ADGRV1: variants seen among roughly 807,000 people sequenced by gnomAD.
ADGRV1 encodes the protein G-protein coupled receptor 98.
In ADGRV1, 359 loss-of-function variants were observed where a neutral mutation model predicts 596.2. The ratio of observed to expected loss-of-function variants is 0.60; its 90% CI spans 0.55 to 0.66. ADGRV1 has a LOEUF of 0.66. ADGRV1 is among the 30% of genes least tolerant of loss of function. ADGRV1 has a pLI of 0.00. For missense variants in ADGRV1, 7,274 were observed against 7,575.6 expected (o/e 0.96, Z 1.48); for synonymous variants, 2,681 against 2,679.2 (o/e 1.00, Z -0.02).
At chr5:90,664,065 G>C (rs35328995) in intron 21 of ADGRV1, among the ~76,000 whole-genome samples, 58,237 of 118,212 alleles carry the variant, frequency 0.49, 15,391 homozygotes, top group East Asian at 0.77. Context: ...CAGCTTTGTT[G>C]TTTTGGCTTA....
intron 28 of ADGRV1, among the ~76,000 whole-genome samples, chr5:90,685,411 C>T (rs113197651): frequency 0.036 from 5,497 of 151,982 alleles, 208 homozygotes; most frequent in African/African-American, 0.097. Context: ...GGTGAAACCC[C>T]ATCTCTACTA....
At chr5:90,619,261 G>T in intron 4 of ADGRV1, 80 bp downstream of exon 4, 1 of 618,402 alleles carries the variant, frequency 1.6e-6, no homozygotes, top group South Asian at 2.8e-5. Flanking sequence ...CATGATGTTA[G>T]CTAGTATCAT....
At chr5:90,581,011 A>G (rs1369578385) in intron 1 of ADGRV1, among the ~76,000 whole-genome samples, 1 of 152,116 alleles carries the variant, frequency 6.6e-6, no homozygotes, top group Non-Finnish European at 1.5e-5. Context: ...TTGATCTTCA[A>G]TCACTGTTAT....
chr5:90,920,030 A>G (rs1453698722), intron 83 of ADGRV1, among the ~76,000 whole-genome samples: 1 of 151,600 alleles, frequency 6.6e-6, no homozygotes, highest in Non-Finnish European at 1.5e-5. Flanking sequence ...AATATTTTGG[A>G]AGAGTAATAT....
intron 21 of ADGRV1, among the ~76,000 whole-genome samples, chr5:90,671,382 C>T (rs1772441869): frequency 6.6e-6 from 1 of 152,152 alleles, no homozygotes; most frequent in African/African-American, 2.4e-5. Context: ...ACTGACCTAT[C>T]ACCTGGTTGT....
chr5:90,790,731 T>C (rs1759970055), intron 69 of ADGRV1, 142 bp from the exon 70 acceptor site: 1 of 593,186 alleles, frequency 1.7e-6, no homozygotes, highest in African/African-American at 1.9e-5. Context: ...AGCTAACATA[T>C]ACTTAGAGAG....
intron 85 of ADGRV1, among the ~76,000 whole-genome samples, chr5:91,070,210 A>G (rs1162931962): frequency 6.6e-6 from 1 of 152,178 alleles, no homozygotes; most frequent in African/African-American, 2.4e-5. Context: ...GCATCATGCA[A>G]TATACTCATG....
At chr5:90,596,382 C>G (rs940426114) in intron 1 of ADGRV1, among the ~76,000 whole-genome samples, 5 of 150,904 alleles carry the variant, frequency 3.3e-5, no homozygotes, top group African/African-American at 1.2e-4. Flanking sequence ...ACTTCCCAGA[C>G]GGGGTGGCGG....
chr5:90,748,887 C>G lies in ADGRV1; in HGVS notation c.10975-1664C>G, dbSNP rs141477891. On this transcript the variant is annotated intron_variant, in intron 52 of 89. Transcript: ENST00000405460. ...TATACTGCTGTGCTCACAGCTTTAT[C>G]CCTGCACCCAGAAAAGTGCCTGGCA... Among the ~76,000 whole-genome samples, 392 of 146,298 alleles carry G rather than the reference C, an allele frequency of 2.7e-3. 5 individuals are homozygous for G. Among genetic ancestry groups the G allele is most frequent in the African/African-American group, 9.3e-3 (362 of 38,836 alleles).
chr5:91,006,865 T>C (rs1488710029), intron 85 of ADGRV1, among the ~76,000 whole-genome samples: 2 of 152,214 alleles, frequency 1.3e-5, no homozygotes, highest in East Asian at 3.8e-4. Flanking sequence ...CATATCTTTG[T>C]ATAACCTCTG....
chr5:90,819,540 C>T (rs1763259736), intron 75 of ADGRV1, among the ~76,000 whole-genome samples: 3 of 150,138 alleles, frequency 2.0e-5, no homozygotes, highest in Admixed American at 6.6e-5. Context: ...CCTGCTTTCT[C>T]TTGTGGGCAT....
chr5:91,030,981 AT>A lies in ADGRV1; in HGVS notation c.18153-41462del, dbSNP rs1784438136. 4 of 1,353,068 alleles carry A rather than the reference AT, an allele frequency of 3.0e-6. No homozygotes were observed. The East Asian group carries it at 9.9e-5, about 34-fold the overall frequency. 83.8% of individuals were successfully genotyped at this position (1,353,068 alleles called of 1,614,324 possible). ...TAATCAAAGGAAAAAACGTCGACTGATTTTATATGTCAATCAGTTGTAGTCT... is the reference window on the plus strand; with the variant it reads ...TAATCAAAGGAAAAAACGTCGACTGATTTATATGTCAATCAGTTGTAGTCT... On this transcript the variant is annotated intron_variant, in intron 85 of 89. Transcript: ENST00000405460.
intron 20 of ADGRV1, 56 bp downstream of exon 20, chr5:90,654,008 A>T: frequency 6.6e-7 from 1 of 1,523,982 alleles, no homozygotes; most frequent in South Asian, 1.2e-5. Flanking sequence ...AAAATTTTTC[A>T]TTAAAATTTA....
chr5:90,999,024 T>C (rs529600476), intron 85 of ADGRV1, among the ~76,000 whole-genome samples: 1 of 152,222 alleles, frequency 6.6e-6, no homozygotes, highest in African/African-American at 2.4e-5. Context: ...GGATTACTTG[T>C]TCATCTCCCT....
intron 1 of ADGRV1, among the ~76,000 whole-genome samples, chr5:90,613,409 C>G (rs1289337592): frequency 6.6e-6 from 1 of 152,144 alleles, no homozygotes; most frequent in Non-Finnish European, 1.5e-5. Flanking sequence ...ACTGCTCCCC[C>G]TTTCCTGTCT....
chr5:90,881,599 T>G lies in ADGRV1; in HGVS notation c.17856+17742T>G, dbSNP rs759502613. 3.3e-5 allele frequency among the ~76,000 whole-genome samples: 5 copies of G among 152,258 alleles called. No individual in the cohort carries two copies. The East Asian group carries it at 5.8e-4, about 18-fold the overall frequency. On this transcript the variant is annotated intron_variant, in intron 83 of 89. Transcript: ENST00000405460. ...ACAGCAAAGGATAAAGATTGGGTGA[T>G]GTATATCAGGGATGGGCGGAATTTG...
At chr5:91,066,000 A>G (rs1309922987) in intron 85 of ADGRV1, among the ~76,000 whole-genome samples, 1 of 152,244 alleles carries the variant, frequency 6.6e-6, no homozygotes, top group African/African-American at 2.4e-5. Flanking sequence ...AGACTATTCA[A>G]CACCCGAAGA....
chr5:91,031,206 G>A lies in ADGRV1; in HGVS notation c.18153-41241G>A, dbSNP rs1784454752. 19 of 1,556,256 alleles carry A rather than the reference G, an allele frequency of 1.2e-5. No individual in the cohort carries two copies. In the South Asian group the frequency reaches 2.1e-4, roughly 17 times the overall value. On this transcript the variant is annotated intron_variant, in intron 85 of 89. Transcript: ENST00000405460. ...GCAAGAAGAGTAATCGAGATTTCCA[G>A]GAGTGTGTCCATGTGGTTCCTTCAA...
Position 90,653,419 on chromosome 5 carries a change from A to C in ADGRV1, c.3845A>C (p.Gln1282Pro). Residue 1282 changes from glutamine (Q) to proline (P), a missense_variant, in exon 20 of 90, where the codon CAA (glutamine) becomes CCA (proline). This residue lies in a region of ADGRV1 where 1,715 missense variants were observed against 1,708.8 expected (regional missense o/e 1.00). Coordinates refer to ENST00000405460, the MANE Select transcript of ADGRV1 (RefSeq NM_032119.4). ...LRQQGVFGDV[Q>P]LGWEILSSEF... ...CAGCAGGGTGTGTTTGGTGATGTACAACTGGGCTGGGAAATACTGTCCAGT... is the reference window on the plus strand; with the variant it reads ...CAGCAGGGTGTGTTTGGTGATGTACCACTGGGCTGGGAAATACTGTCCAGT... The C allele has an allele frequency of 1.2e-6, 2 of 1,613,952 alleles. No homozygotes were observed. Among genetic ancestry groups the C allele is most frequent in the Non-Finnish European group, 1.7e-6 (2 of 1,179,872 alleles).
Sources: allele counts gnomAD v4.1 joint callset (sites outside exome capture counted in the v4.1 genomes callset), GRCh38; gene constraint gnomAD v4.1.1; regional missense constraint gnomAD v4.1.1; transcripts MANE v1.5; gene names NCBI Gene and HGNC (gene_info 2026-07-23, HGNC 2026-07-21).